Variants in DIP2C observed in about 807,000 individuals in gnomAD.
DIP2C encodes the protein disco-interacting protein 2 homolog C.
Under a neutral mutation model 192.4 loss-of-function variants are expected in DIP2C, and 33 were observed. That is an observed-to-expected ratio of 0.17 (90% CI 0.13 to 0.23). The LOEUF (loss-of-function observed/expected upper bound fraction) is 0.23, where lower values mean the gene tolerates loss of function less well. Among genes scored for constraint, DIP2C ranks in the 10% least tolerant of loss-of-function variants. The probability of loss-of-function intolerance (pLI) is 1.00; values close to 1 mark genes in which losing one functional copy is unlikely to be tolerated. For missense variants in DIP2C, 1,537 were observed against 2,110.1 expected (o/e 0.73, Z 5.32); for synonymous variants, 979 against 864.1 (o/e 1.13, Z -2.33).
chr10:316,516 T>C lies in DIP2C; in HGVS notation c.3925-6424A>G, dbSNP rs192590260. On this transcript the variant is annotated intron_variant, in intron 31 of 36. Transcript: ENST00000280886. The stretch of plus-strand genomic sequence containing the variant: ...CTTTGGAAGGCAAATACGTTACACA[T>C]GGTGAAGGGCAAGGGCGCTGCAGAG... Among the ~76,000 whole-genome samples the C allele has an allele frequency of 2.7e-3, 404 of 152,288 alleles. 1 individual carries two copies. The highest frequency in any genetic ancestry group is 0.017 in the Middle Eastern group (5 of 294).
intron 1 of DIP2C, among the ~76,000 whole-genome samples, chr10:653,570 G>A (rs1025298658): frequency 1.3e-5 from 2 of 152,172 alleles, no homozygotes; most frequent in African/African-American, 2.4e-5. Context: ...CATGAGCTAC[G>A]CTGCAAGTCT....
At chr10:422,446 C>T (rs1251464834) in intron 5 of DIP2C, among the ~76,000 whole-genome samples, 2 of 152,172 alleles carry the variant, frequency 1.3e-5, no homozygotes, top group Non-Finnish European at 2.9e-5. Flanking sequence ...CAGACAGCAG[C>T]GTCAAGCAGC....
At chr10:450,066 A>G (rs1219478967) in intron 3 of DIP2C, among the ~76,000 whole-genome samples, 1 of 152,194 alleles carries the variant, frequency 6.6e-6, no homozygotes, top group Non-Finnish European at 1.5e-5. Context: ...GCAAATGGGA[A>G]AACAGTCGCT....
intron 1 of DIP2C, among the ~76,000 whole-genome samples, chr10:592,691 CT>C (rs1331303596): frequency 6.6e-6 from 1 of 152,088 alleles, no homozygotes. Context: ...ATTTTTAATT[CT>C]TTGTAAATTA....
intron 3 of DIP2C, among the ~76,000 whole-genome samples, chr10:471,910 G>T (rs969609338): frequency 3.3e-5 from 5 of 152,212 alleles, no homozygotes; most frequent in African/African-American, 1.2e-4. Flanking sequence ...CCACCACCAC[G>T]CCCGACAGCC....
intron 1 of DIP2C, among the ~76,000 whole-genome samples, chr10:595,508 C>A (rs546036248): frequency 1.8e-4 from 27 of 152,300 alleles, no homozygotes; most frequent in African/African-American, 6.5e-4. Flanking sequence ...GGATTTGAGA[C>A]ACTGAAGAAC....
Position 518,337 on chromosome 10 carries a change from T to C in DIP2C, c.86-31807A>G, listed in dbSNP as rs184015075. ...CTGCCAGGAAAGCAGCTCCGATTGATGCTGAAACCCTGCTCTTGCACCGCT... is the reference window on the plus strand; with the variant it reads ...CTGCCAGGAAAGCAGCTCCGATTGACGCTGAAACCCTGCTCTTGCACCGCT... On this transcript the variant is annotated intron_variant, in intron 1 of 36. Transcript: ENST00000280886. Among the ~76,000 whole-genome samples the C allele has an allele frequency of 2.0e-5, 3 of 152,366 alleles. No individual in the cohort carries two copies. The East Asian group carries it at 5.8e-4, about 29-fold the overall frequency.
intron 3 of DIP2C, among the ~76,000 whole-genome samples, chr10:460,012 C>T (rs963245814): frequency 1.3e-5 from 2 of 151,638 alleles, no homozygotes; most frequent in Admixed American, 6.6e-5. Flanking sequence ...CTAGTATCTT[C>T]CCACAGCCAC....
intron 8 of DIP2C, among the ~76,000 whole-genome samples, chr10:409,254 A>T (rs945669150): frequency 6.6e-6 from 1 of 152,076 alleles, no homozygotes; most frequent in African/African-American, 2.4e-5. Context: ...GAATGAAAAT[A>T]AAAAAGCTAA....
intron 3 of DIP2C, among the ~76,000 whole-genome samples, chr10:470,502 C>G (rs190746653): frequency 3.0e-4 from 46 of 152,210 alleles, no homozygotes; most frequent in African/African-American, 1.1e-3. Flanking sequence ...AAACGCACCC[C>G]AAGCCAAGAG....
Position 417,433 on chromosome 10 carries a change from C to T in DIP2C, c.740-1545G>A, listed in dbSNP as rs551656171. Among the ~76,000 whole-genome samples the T allele has an allele frequency of 2.3e-3, 236 of 104,388 alleles. 1 individual carries two copies. Among genetic ancestry groups the T allele is most frequent in the African/African-American group, 7.1e-3 (204 of 28,744 alleles). 68.5% of individuals were successfully genotyped at this position (104,388 alleles called of 152,430 possible). ...ACAAAAATGGCCAATTTAGTAAAGA[C>T]GAACTCATCAGAGAACTAAAGCAAA... On this transcript the variant is annotated intron_variant, in intron 6 of 36. Coordinates refer to ENST00000280886, the MANE Select transcript of DIP2C (RefSeq NM_014974.3).
At chr10:286,128 C>A in intron 34 of DIP2C, 145 bp downstream of exon 34, 1 of 737,264 alleles carries the variant, frequency 1.4e-6, no homozygotes. Context: ...GCTTACCTCA[C>A]GCTATTTCCC....
intron 1 of DIP2C, among the ~76,000 whole-genome samples, chr10:677,652 G>A (rs544486071): frequency 1.1e-4 from 16 of 152,314 alleles, no homozygotes; most frequent in African/African-American, 3.9e-4. Flanking sequence ...AAAGGGTGGG[G>A]CCAGGGAACT....
chr10:651,680 T>C lies in DIP2C; in HGVS notation c.85+37814A>G. On this transcript the variant is annotated intron_variant, in intron 1 of 36. Transcript: ENST00000280886. This position sits in a 1 kb window ranked among gnomAD's most constrained non-coding sequence, Gnocchi z 4.1. ...GAATTCACGTCCCCCAAATTTTCCG[T>C]ATCCCAAAATCTGGACTTTTGCTAA... The C allele has an allele frequency of 2.9e-6, 1 of 347,634 alleles. No individual in the cohort carries two copies. The highest frequency in any genetic ancestry group is 5.6e-6 in the Non-Finnish European group (1 of 178,490). The allele number at this position is 347,634 out of a possible 1,614,324, so 21.5% of individuals were successfully genotyped here. A position where few individuals can be genotyped will look rare whatever the true frequency, so the allele number is the denominator to read the frequency against.
At chr10:389,708 C>T (rs1195588013) in intron 13 of DIP2C, among the ~76,000 whole-genome samples, 4 of 152,206 alleles carry the variant, frequency 2.6e-5, no homozygotes, top group South Asian at 2.1e-4. Context: ...ACACCTCCTA[C>T]GAGAAACCTG....
intron 1 of DIP2C, among the ~76,000 whole-genome samples, chr10:488,120 A>G (rs1340641148): frequency 6.6e-6 from 1 of 152,226 alleles, no homozygotes; most frequent in South Asian, 2.1e-4. Flanking sequence ...AAATTTCCAG[A>G]CAAGACTTTA....
intron 32 of DIP2C, among the ~76,000 whole-genome samples, chr10:296,527 C>G (rs899450066): frequency 2.6e-5 from 4 of 152,102 alleles, no homozygotes; most frequent in African/African-American, 4.8e-5. Context: ...ACACAGCCAT[C>G]CCATTACTGG....
chr10:418,410 G>A (rs1009873576), intron 6 of DIP2C, among the ~76,000 whole-genome samples: 2 of 151,510 alleles, frequency 1.3e-5, no homozygotes. Flanking sequence ...GCTGCTCCAT[G>A]CAGCTTCACA....
intron 3 of DIP2C, among the ~76,000 whole-genome samples, chr10:446,826 A>AT (rs2133300387): frequency 6.6e-6 from 1 of 152,350 alleles, no homozygotes; most frequent in South Asian, 2.1e-4. Context: ...TTCTGAGATG[A>AT]TAAAATGGGT....
Sources: gnomAD v4.1 joint callset for allele counts (sites outside exome capture counted in the v4.1 genomes callset) on GRCh38, gnomAD v4.1.1 for gene constraint, Gnocchi (gnomAD v3.1) non-coding constraint, MANE v1.5 for transcripts, NCBI Gene and HGNC (gene_info 2026-07-23, HGNC 2026-07-21) for gene names.